ANO6: variants seen among roughly 807,000 people sequenced by gnomAD.
ANO6 encodes anoctamin 6.
A neutral mutation model predicts 117.5 loss-of-function variants in ANO6; 106 were observed. The ratio of observed to expected loss-of-function variants is 0.90; its 90% confidence interval spans 0.77 to 1.06. ANO6 has a LOEUF of 1.06. ANO6 is among the 50% of genes least tolerant of loss of function. The pLI is 0.00. For synonymous variants in ANO6, 367 were observed against 385.1 expected (o/e 0.95, Z 0.55); for missense variants, 955 against 1,121.1 (o/e 0.85, Z 2.12).
Position 45,229,320 on chromosome 12 carries a change from AT to A in ANO6, c.70+12930del, listed in dbSNP as rs536780358. ...TCCACGCTGGCCTGTGATCCTTTTA[AT>A]GTTCCCATGTCAGCCTCTTTTCTTA... On this transcript the variant is annotated intron_variant, in intron 1 of 19. Transcript: ENST00000320560. Among the ~76,000 whole-genome samples, 119 of 151,604 alleles carry A rather than the reference AT, an allele frequency of 7.8e-4. 1 individual carries two copies. Among genetic ancestry groups the A allele is most frequent in the African/African-American group, 2.8e-3 (116 of 41,332 alleles).
At chr12:45,341,639 C>T (rs116615094) in intron 3 of ANO6, among the ~76,000 whole-genome samples, 1,744 of 152,242 alleles carry the variant, frequency 0.011, 29 homozygotes, top group African/African-American at 0.039. Context: ...GCCTGAAGAT[C>T]AGGATAGCCA....
intron 1 of ANO6, among the ~76,000 whole-genome samples, chr12:45,245,321 T>C (rs1947807839): frequency 6.6e-6 from 1 of 152,160 alleles, no homozygotes; most frequent in African/African-American, 2.4e-5. Flanking sequence ...CTGACATTTC[T>C]GTGTACTAAA....
chr12:45,323,611 C>T (rs578090844), intron 2 of ANO6, among the ~76,000 whole-genome samples: 1 of 152,186 alleles, frequency 6.6e-6, no homozygotes, highest in Non-Finnish European at 1.5e-5. Flanking sequence ...CTCACTTAAT[C>T]TTCACAATTA....
At chr12:45,232,576 T>C (rs1300124483) in intron 1 of ANO6, among the ~76,000 whole-genome samples, 1 of 152,168 alleles carries the variant, frequency 6.6e-6, no homozygotes, top group Non-Finnish European at 1.5e-5. Context: ...ACAAAACAGG[T>C]CTATGAGAAG....
At chr12:45,435,115 C>G (rs1943692959), downstream of ANO6, among the ~76,000 whole-genome samples, 1 of 152,212 alleles carries the variant, frequency 6.6e-6, no homozygotes, top group African/African-American at 2.4e-5. Flanking sequence ...ATGGCACTCT[C>G]TATTATAAAA....
chr12:45,439,736 G>A lies in ANO6; in HGVS notation c.2588G>A (p.Arg863His), dbSNP rs1287500525. The A allele has an allele frequency of 1.4e-5, 22 of 1,531,756 alleles. 1 individual carries two copies. The highest frequency in any genetic ancestry group is 3.5e-4 in the Middle Eastern group (2 of 5,672). 94.9% of individuals were successfully genotyped at this position (1,531,756 alleles called of 1,614,324 possible). A position where few individuals can be genotyped will look rare whatever the true frequency, so the allele number is the denominator to read the frequency against. Residue 863 changes from arginine to histidine, a missense_variant, in exon 20 of 20, where the codon CGC (arginine) becomes CAC (histidine). Coordinates refer to the ANO6 transcript ENST00000425752. ...ATGATCTTGGCTCACTGCAACCTCC[G>A]CCTCCCAGTTGACTGCTGTATGTGT...
intron 1 of ANO6, among the ~76,000 whole-genome samples, chr12:45,293,729 G>GTTTTTTTTTTTTTT (rs138396024): frequency 5.8e-4 from 28 of 48,402 alleles, no homozygotes; most frequent in South Asian, 1.2e-3. Context: ...CCTGGCTAAT[G>GTTTTTTTTTTTTTT]TTTTTTTTTT....
At chr12:45,262,841 A>G (rs1012434225) in intron 1 of ANO6, among the ~76,000 whole-genome samples, 6 of 152,226 alleles carry the variant, frequency 3.9e-5, no homozygotes, top group Admixed American at 6.5e-5. Context: ...TCCAGAAGAC[A>G]TTCAACAGAT....
intron 19 of ANO6, among the ~76,000 whole-genome samples, chr12:45,437,541 T>G (rs1249619250): frequency 6.6e-6 from 1 of 152,092 alleles, no homozygotes; most frequent in African/African-American, 2.4e-5. Context: ...ATACATATGA[T>G]TCATACAAAC....
intron 1 of ANO6, among the ~76,000 whole-genome samples, chr12:45,293,927 T>C (rs1939203284): frequency 6.6e-6 from 1 of 151,928 alleles, no homozygotes; most frequent in South Asian, 2.1e-4. Context: ...ATTTTTTGGC[T>C]CCACCTATAA....
chr12:45,276,503 T>G (rs563611899), intron 1 of ANO6, among the ~76,000 whole-genome samples: 2 of 150,654 alleles, frequency 1.3e-5, no homozygotes, highest in South Asian at 4.3e-4. Flanking sequence ...CCTTGCATGC[T>G]CTTTTTTTTA....
chr12:45,300,011 C>T (rs994025182), intron 1 of ANO6, among the ~76,000 whole-genome samples: 2 of 152,052 alleles, frequency 1.3e-5, no homozygotes, highest in East Asian at 1.9e-4. Flanking sequence ...TGATTCTGCC[C>T]TATATGAATG....
At chr12:45,438,448 C>T (rs1414138099) in intron 19 of ANO6, among the ~76,000 whole-genome samples, 1 of 151,992 alleles carries the variant, frequency 6.6e-6, no homozygotes, top group Non-Finnish European at 1.5e-5. Flanking sequence ...TTTTGAGTGC[C>T]AATGTGATGC....
At chr12:45,272,643 A>G (rs940805756) in intron 1 of ANO6, among the ~76,000 whole-genome samples, 1 of 152,218 alleles carries the variant, frequency 6.6e-6, no homozygotes, top group South Asian at 2.1e-4. Context: ...AAACACAAAT[A>G]AGTTGATGAG....
chr12:45,362,495 T>C (rs1050896217), intron 8 of ANO6, among the ~76,000 whole-genome samples: 10 of 152,088 alleles, frequency 6.6e-5, no homozygotes, highest in Admixed American at 1.3e-4. Flanking sequence ...TTTCCACTTG[T>C]TGCCTTTTGA....
chr12:45,378,168 A>G, intron 10 of ANO6, 55 bp downstream of exon 10: 1 of 1,519,258 alleles, frequency 6.6e-7, no homozygotes. Context: ...ACACAGTTTT[A>G]TGTAGGCTAT....
intron 3 of ANO6, among the ~76,000 whole-genome samples, chr12:45,332,809 A>G (rs1940712202): frequency 6.6e-6 from 1 of 152,088 alleles, no homozygotes; most frequent in South Asian, 2.1e-4. Flanking sequence ...AATGGTAGAT[A>G]AGATGAAGAA....
intron 1 of ANO6, among the ~76,000 whole-genome samples, chr12:45,265,196 A>G (rs1173006234): frequency 6.6e-6 from 1 of 152,222 alleles, no homozygotes; most frequent in Non-Finnish European, 1.5e-5. Context: ...TATAAAAGCA[A>G]CGTAAAGTTG....
At chr12:45,216,753 C>T (rs560094386) in intron 1 of ANO6, among the ~76,000 whole-genome samples, 1 of 152,366 alleles carries the variant, frequency 6.6e-6, no homozygotes, top group South Asian at 2.1e-4. Flanking sequence ...GCCCAGGAGC[C>T]TCGGCACTGG....
Sources: allele counts gnomAD v4.1 joint callset (sites outside exome capture counted in the v4.1 genomes callset), GRCh38; gene constraint gnomAD v4.1.1; transcripts MANE v1.5; gene names NCBI Gene and HGNC (gene_info 2026-07-23, HGNC 2026-07-21).